PXDNL: variants seen among roughly 807,000 people sequenced by gnomAD.
PXDNL encodes the protein probable oxidoreductase PXDNL.
A neutral mutation model predicts 150.8 loss-of-function variants in PXDNL; 145 were observed. The observed-to-expected ratio is 0.96, with a 90% CI of 0.84 to 1.10. The LOEUF is 1.10. Ranked by LOEUF, PXDNL falls within the 50% of genes least tolerant of loss-of-function variation. PXDNL has a pLI of 0.00. For missense variants in PXDNL, 2,087 were observed against 1,873.9 expected (o/e 1.11, Z -2.10); for synonymous variants, 757 against 725.7 (o/e 1.04, Z -0.69).
At chr8:51,779,198 A>C (rs2129247814) in intron 1 of PXDNL, among the ~76,000 whole-genome samples, 1 of 152,374 alleles carries the variant, frequency 6.6e-6, no homozygotes, top group Middle Eastern at 3.4e-3. Flanking sequence ...CCATCAGTAC[A>C]CAAGCTCTGT....
intron 2 of PXDNL, among the ~76,000 whole-genome samples, chr8:51,647,893 T>C (rs984778298): frequency 1.8e-4 from 27 of 152,174 alleles, no homozygotes; most frequent in Non-Finnish European, 4.4e-5. Context: ...TCAACAATAT[T>C]AGCTTCTTTC....
At chr8:51,705,957 G>C (rs556450797) in intron 1 of PXDNL, among the ~76,000 whole-genome samples, 1 of 152,352 alleles carries the variant, frequency 6.6e-6, no homozygotes, top group Non-Finnish European at 1.5e-5. Context: ...GTTAGAAGCA[G>C]TATTTAAAAG....
chr8:51,417,415 G>T (rs769813950), intron 14 of PXDNL, among the ~76,000 whole-genome samples: 2 of 152,148 alleles, frequency 1.3e-5, no homozygotes, highest in Non-Finnish European at 2.9e-5. Context: ...TTCAGAAAAG[G>T]GGGAGCTTAG....
intron 5 of PXDNL, among the ~76,000 whole-genome samples, chr8:51,485,653 C>T (rs1366885030): frequency 6.6e-6 from 1 of 152,158 alleles, no homozygotes; most frequent in Non-Finnish European, 1.5e-5. Flanking sequence ...CATCCATTGG[C>T]TCCACCCTGC....
At chr8:51,517,376 G>A (rs1156908379) in intron 4 of PXDNL, among the ~76,000 whole-genome samples, 1 of 152,096 alleles carries the variant, frequency 6.6e-6, no homozygotes, top group Non-Finnish European at 1.5e-5. Flanking sequence ...GAAAATATTA[G>A]TGTATACTGT....
rs1807830690 is a variant in PXDNL at position 51,389,665 on chromosome 8, T to C, written c.3558-14934A>G. Among the ~76,000 whole-genome samples, 2 of 152,368 alleles carry C rather than the reference T, an allele frequency of 1.3e-5. 1 individual carries two copies. The highest frequency in any genetic ancestry group is 6.8e-3 in the Middle Eastern group (2 of 294). On this transcript the variant is annotated intron_variant, in intron 17 of 22. Transcript: ENST00000356297. Reference sequence around the variant, plus strand: ...TTTCTCCCTGGCTTTTAAGTTTCCTTGTCCTTTGTGACATATAAGAATTGC... The same window carrying C: ...TTTCTCCCTGGCTTTTAAGTTTCCTCGTCCTTTGTGACATATAAGAATTGC...
intron 2 of PXDNL, among the ~76,000 whole-genome samples, chr8:51,610,848 C>A (rs1813984151): frequency 6.6e-6 from 1 of 152,204 alleles, no homozygotes; most frequent in South Asian, 2.1e-4. Flanking sequence ...CTTCCAGCCT[C>A]TTTTAAAGAG....
Position 51,744,071 on chromosome 8 carries a change from AAGGAAGGAAGGAAGGAAG to A in PXDNL, c.164+65092_164+65109del, listed in dbSNP as rs1563307141. On this transcript the variant is annotated intron_variant, in intron 1 of 22. Coordinates refer to ENST00000356297, the MANE Select transcript of PXDNL (RefSeq NM_144651.5). The stretch of plus-strand genomic sequence containing the variant: ...GAAGGAAGGAAGGAAGGAAGGAAGG[AAGGAAGGAAGGAAGGAAG>A]GAAGGAAAGAAAGAAAGAAAGAAAG... 3.0e-3 allele frequency among the ~76,000 whole-genome samples: 223 copies of A among 73,500 alleles called. 4 individuals are homozygous for A. Among genetic ancestry groups the A allele is most frequent in the African/African-American group, 7.1e-3 (115 of 16,104 alleles). The allele number at this position is 73,500 out of a possible 152,430, so 48.2% of individuals were successfully genotyped here. A position where few individuals can be genotyped will look rare whatever the true frequency, so the allele number is the denominator to read the frequency against.
intron 2 of PXDNL, among the ~76,000 whole-genome samples, chr8:51,606,265 T>A (rs1813836427): frequency 6.6e-6 from 1 of 152,166 alleles, no homozygotes; most frequent in South Asian, 2.1e-4. Flanking sequence ...TAACTTTGAA[T>A]TTTTTGTCTG....
At chr8:51,731,164 C>T (rs1012569869) in intron 1 of PXDNL, among the ~76,000 whole-genome samples, 1 of 152,178 alleles carries the variant, frequency 6.6e-6, no homozygotes, top group African/African-American at 2.4e-5. Flanking sequence ...GTCCCTTCCA[C>T]CTAAGAGCCT....
At chr8:51,674,149 G>C (rs927827478) in intron 1 of PXDNL, among the ~76,000 whole-genome samples, 7 of 152,034 alleles carry the variant, frequency 4.6e-5, no homozygotes, top group Admixed American at 1.3e-4. Flanking sequence ...TATGTACTAG[G>C]AACAGGATTT....
At chr8:51,601,439 T>C (rs1813718692) in intron 2 of PXDNL, among the ~76,000 whole-genome samples, 1 of 152,114 alleles carries the variant, frequency 6.6e-6, no homozygotes, top group Non-Finnish European at 1.5e-5. Flanking sequence ...TAGTTAAGTC[T>C]TCTTGTTGAA....
intron 20 of PXDNL, among the ~76,000 whole-genome samples, chr8:51,340,554 T>C (rs751654185): frequency 1.3e-5 from 2 of 152,238 alleles, no homozygotes; most frequent in Admixed American, 6.5e-5. Context: ...TTATTCTATT[T>C]GAAATATGTC....
intron 19 of PXDNL, among the ~76,000 whole-genome samples, chr8:51,349,293 G>A (rs924610934): frequency 2.0e-5 from 3 of 152,066 alleles, no homozygotes; most frequent in Non-Finnish European, 2.9e-5. Flanking sequence ...GTGAAACAAG[G>A]TTCTTCCCTA....
intron 4 of PXDNL, among the ~76,000 whole-genome samples, chr8:51,543,874 T>C (rs528127090): frequency 6.6e-6 from 1 of 152,250 alleles, no homozygotes; most frequent in East Asian, 1.9e-4. Flanking sequence ...GAAAAATTTA[T>C]TGGCAAGGAT....
In PXDNL at chr8:51,744,079, AAGGAAGGAAG is replaced by A. The variant is rs1563307176; in HGVS notation, c.164+65092_164+65101del. Among the ~76,000 whole-genome samples the A allele has an allele frequency of 2.6e-3, 251 of 96,220 alleles. 5 individuals carry two copies. The highest frequency in any genetic ancestry group is 8.3e-3 in the African/African-American group (183 of 21,928). The allele number at this position is 96,220 out of a possible 152,430, so 63.1% of individuals were successfully genotyped here. On this transcript the variant is annotated intron_variant, in intron 1 of 22. Transcript: ENST00000356297. ...GAAGGAAGGAAGGAAGGAAGGAAGG[AAGGAAGGAAG>A]GAAGGAAAGAAAGAAAGAAAGAAAG...
intron 4 of PXDNL, among the ~76,000 whole-genome samples, chr8:51,549,877 G>C (rs1022326240): frequency 1.3e-5 from 2 of 151,690 alleles, no homozygotes; most frequent in Non-Finnish European, 2.9e-5. Context: ...CAATACAAAA[G>C]ACACAAAAAC....
intron 14 of PXDNL, among the ~76,000 whole-genome samples, chr8:51,419,078 G>C (rs1270240399): frequency 6.6e-6 from 1 of 152,132 alleles, no homozygotes. Flanking sequence ...AAGACCAGGG[G>C]TTCAGATTCG....
At chr8:51,595,424 C>T (rs1813543856) in intron 2 of PXDNL, among the ~76,000 whole-genome samples, 1 of 152,076 alleles carries the variant, frequency 6.6e-6, no homozygotes, top group African/African-American at 2.4e-5. Context: ...CTCTCTCCCA[C>T]CTCACATAAA....
Sources: allele counts gnomAD v4.1 joint callset (sites outside exome capture counted in the v4.1 genomes callset), GRCh38; gene constraint gnomAD v4.1.1; transcripts MANE v1.5; gene names NCBI Gene and HGNC (gene_info 2026-07-23, HGNC 2026-07-21).